Variants in KNL1 observed in about 807,000 individuals in gnomAD.
KNL1 encodes the protein kinetochore scaffold 1, also known as outer kinetochore KNL1 complex subunit KNL1.
KNL1 carries 66 observed loss-of-function variants against 201.3 expected under a neutral mutation model. The observed-to-expected ratio is 0.33, with a 90% CI of 0.27 to 0.40. The LOEUF (loss-of-function observed/expected upper bound fraction) is 0.40. Among genes scored for constraint, KNL1 ranks in the 10% least tolerant of loss-of-function variants. The pLI is 1.00. For synonymous variants in KNL1, 895 were observed against 899.2 expected (o/e 1.00, Z 0.08); for missense variants, 2,815 against 2,690.5 (o/e 1.05, Z -1.02).
chr15:40,631,994 A>AC, intron 13 of KNL1, among the ~76,000 whole-genome samples: 1 of 150,898 alleles, frequency 6.6e-6, no homozygotes. Context: ...GGTCAACAGA[A>AC]CAAGACCCTA....
At chr15:40,629,069 TG>T (rs1203285889) in intron 12 of KNL1, among the ~76,000 whole-genome samples, 1 of 152,186 alleles carries the variant, frequency 6.6e-6, no homozygotes, top group Non-Finnish European at 1.5e-5. Context: ...TTTTGGGTTT[TG>T]GGATTTTTAA....
chr15:40,610,883 G>A (rs901161040), intron 6 of KNL1: 8 of 453,392 alleles, frequency 1.8e-5, no homozygotes, highest in Middle Eastern at 6.3e-4. Flanking sequence ...CCAGGTAGCC[G>A]GGATTACAGG....
In KNL1 at chr15:40,662,104, A is replaced by C; in HGVS notation, c.6867A>C (p.Lys2289Asn). 2 of 1,609,602 alleles carry C rather than the reference A, an allele frequency of 1.2e-6. No individual in the cohort carries two copies. The highest frequency in any genetic ancestry group is 1.7e-6 in the Non-Finnish European group (2 of 1,175,898). ...SQDDIATILS[K>N]VPLENNYLKN... The stretch of plus-strand genomic sequence containing the variant: ...ATGATATTGCTACCATTCTATCTAA[A>C]GTGCCACTGGAGAACAACTACCTGA... Residue 2289 changes from lysine to asparagine, a missense_variant, in exon 26 of 26, where the codon AAA (lysine) becomes AAC (asparagine). This residue lies in a region of KNL1 where 334 missense variants were observed against 362.6 expected (regional missense o/e 0.92). Transcript: ENST00000399668.
At chr15:40,650,969 A>T (rs1306023096) in intron 19 of KNL1, among the ~76,000 whole-genome samples, 2 of 152,152 alleles carry the variant, frequency 1.3e-5, no homozygotes, top group East Asian at 3.9e-4. Context: ...GACAACATTA[A>T]TTTGACAGGT....
chr15:40,626,299 C>G (rs898533619), intron 10 of KNL1, among the ~76,000 whole-genome samples: 1 of 151,398 alleles, frequency 6.6e-6, no homozygotes, highest in Admixed American at 6.6e-5. Context: ...ATTGCAGGTG[C>G]CTGGCACCAC....
In KNL1 at chr15:40,662,207, G is replaced by C; in HGVS notation, c.*19G>C. 3 of 1,316,048 alleles carry C rather than the reference G, an allele frequency of 2.3e-6. No individual in the cohort carries two copies. Among genetic ancestry groups the C allele is most frequent in the African/African-American group, 1.5e-5 (1 of 68,686 alleles). The allele number at this position is 1,316,048 out of a possible 1,614,324, so 81.5% of individuals were successfully genotyped here. On this transcript the variant is annotated 3_prime_UTR_variant, in exon 26 of 26. Coordinates refer to ENST00000399668, the MANE Select transcript of KNL1 (RefSeq NM_144508.5). The stretch of plus-strand genomic sequence containing the variant: ...CCACTAGACCCTTGGACCACCATTG[G>C]AACAACCAAGCAGAATGTACTTGAT...
rs1321695021 is a variant in KNL1, at chr15:40,629,263, C to T, written c.5584-10C>T. On this transcript the variant is annotated splice_polypyrimidine_tract_variant and intron_variant, in intron 12 of 25. Coordinates refer to ENST00000399668, the MANE Select transcript of KNL1 (RefSeq NM_144508.5). The stretch of plus-strand genomic sequence containing the variant: ...TGAATGGTCATGCAAACTTTTTTTT[C>T]TTTTCTCAGAAACTCCAAGATGGGA... 2.6e-6 allele frequency: 4 copies of T among 1,544,544 alleles called. No individual in the cohort carries two copies. The highest frequency in any genetic ancestry group is 1.7e-4 in the Middle Eastern group (1 of 5,840).
intron 18 of KNL1, 25 bp from the exon 19 acceptor site, chr15:40,650,519 T>G (rs757682650): frequency 5.8e-5 from 66 of 1,136,832 alleles, no homozygotes; most frequent in Non-Finnish European, 7.3e-5. Context: ...TTTGTTCTGT[T>G]TTTTTTTTTT....
intron 13 of KNL1, among the ~76,000 whole-genome samples, chr15:40,634,111 G>C (rs1468019801): frequency 6.6e-6 from 1 of 152,024 alleles, no homozygotes; most frequent in Non-Finnish European, 1.5e-5. Context: ...TTGTTTGTTT[G>C]TTTGTTTGTT....
At chr15:40,612,160 A>G (rs926433189) in intron 7 of KNL1, among the ~76,000 whole-genome samples, 2 of 152,146 alleles carry the variant, frequency 1.3e-5, no homozygotes, top group African/African-American at 4.8e-5. Flanking sequence ...TACTAAGAAT[A>G]CAAAAATTAG....
At chr15:40,657,903 G>T (rs567350923) in intron 24 of KNL1, among the ~76,000 whole-genome samples, 196 of 152,144 alleles carry the variant, frequency 1.3e-3, no homozygotes, top group African/African-American at 4.6e-3. Flanking sequence ...GGAAATACAG[G>T]TCAACCCAAC....
At chr15:40,628,345 T>C in intron 11 of KNL1, 137 bp downstream of exon 11, 1 of 850,768 alleles carries the variant, frequency 1.2e-6, no homozygotes, top group East Asian at 2.7e-5. Context: ...TAAAATAATA[T>C]TTAGTTTATT....
chr15:40,631,841 T>A (rs1214855960), intron 13 of KNL1, among the ~76,000 whole-genome samples: 1 of 151,776 alleles, frequency 6.6e-6, no homozygotes, highest in Non-Finnish European at 1.5e-5. Context: ...AGACCCTGTT[T>A]CTACAGAAAA....
Position 40,613,900 on chromosome 15 carries a change from C to A in KNL1, c.285-1441C>A, listed in dbSNP as rs1892254211. On this transcript the variant is annotated intron_variant, in intron 7 of 25. Coordinates refer to ENST00000399668, the MANE Select transcript of KNL1 (RefSeq NM_144508.5). ...GCAAGCTCCGCCTCCTGGTTTCACG[C>A]CATTCTCCTGCCTCAGCCTCCCTAG... is the stretch of plus-strand genomic sequence containing the variant. Among the ~76,000 whole-genome samples, 3 of 152,190 alleles carry A rather than the reference C, an allele frequency of 2.0e-5. No individual in the cohort carries two copies. In the South Asian group the frequency reaches 6.2e-4, roughly 32 times the overall value.
intron 7 of KNL1, among the ~76,000 whole-genome samples, chr15:40,614,262 C>T (rs1567003508): frequency 6.6e-6 from 1 of 151,988 alleles, no homozygotes; most frequent in East Asian, 1.9e-4. Context: ...CACGCCCAGC[C>T]AATTTTTGTA....
rs199756064 is a variant in KNL1, at chr15:40,659,361, T to A, written c.6736T>A (p.Ser2246Thr). 3 of 1,613,238 alleles carry A rather than the reference T, an allele frequency of 1.9e-6. No individual in the cohort carries two copies. The highest frequency in any genetic ancestry group is 2.5e-6 in the Non-Finnish European group (3 of 1,179,178). ...CAGATTGAGACTTTTATTCTCTAGC[T>A]CCGCAGCATTTGCAAAGTTTGAAAT... ...NNELRLLFSSSAAFAKFEITL... is the reference protein window; with the variant it reads ...NNELRLLFSSTAAFAKFEITL... Residue 2246 changes from serine to threonine, a missense_variant, in exon 25 of 26, where the codon TCC (serine) becomes ACC (threonine). Ser to Thr is a moderately conservative substitution (Grantham distance 58). Transcript: ENST00000399668.
At position 40,658,950 on chromosome 15, in the gene KNL1, A is replaced by G. The variant is rs2141769612; in HGVS notation, c.6714-389A>G. Among the ~76,000 whole-genome samples, 3 of 147,194 alleles carry G rather than the reference A, an allele frequency of 2.0e-5. No individual in the cohort carries two copies. The Admixed American group carries it at 2.0e-4, about 10-fold the overall frequency. ...ATCTCAAAAAAAAAAAAAGAAAAAG[A>G]AAAGAAATAATGTATGCCTAACTTG... On this transcript the variant is annotated intron_variant, in intron 24 of 25. Transcript: ENST00000399668.
At chr15:40,606,509 C>A in intron 4 of KNL1, 57 bp downstream of exon 4, 1 of 1,012,872 alleles carries the variant, frequency 9.9e-7, no homozygotes, top group Non-Finnish European at 1.5e-6. Context: ...ATTTTTAAGT[C>A]AAGAAGTTTA....
chr15:40,640,946 T>C lies in KNL1; in HGVS notation c.5717T>C (p.Leu1906Pro). 6.2e-7 allele frequency: 1 copy of C among 1,613,168 alleles called. No homozygotes were observed. The highest frequency in any genetic ancestry group is 8.5e-7 in the Non-Finnish European group (1 of 1,179,582). Residue 1906 changes from leucine (L) to proline (P), a missense_variant, in exon 14 of 26, where the codon CTG becomes CCG. Around this residue, in one of 3 missense-constraint regions of KNL1, gnomAD observed 2,464 missense variants for 2,291.7 expected, o/e 1.08. Coordinates refer to ENST00000399668, the MANE Select transcript of KNL1 (RefSeq NM_144508.5). The stretch of plus-strand genomic sequence containing the variant: ...AACACACCACCTACTCCAGAAGACC[T>C]GATGTTAAGTCAATATGTTTACCGA... The part of the protein sequence containing the change: ...TVNTPPTPED[L>P]MLSQYVYRPK...
Sources: gnomAD v4.1 joint callset for allele counts (sites outside exome capture counted in the v4.1 genomes callset) on GRCh38, gnomAD v4.1.1 for gene constraint, gnomAD v4.1.1 regional missense constraint, MANE v1.5 for transcripts, NCBI Gene and HGNC (gene_info 2026-07-23, HGNC 2026-07-21) for gene names.